The following MAOB variants were observed in gnomAD, a reference collection of about 807,000 sequenced individuals.
The protein encoded by MAOB is monoamine oxidase B, also known as amine oxidase [flavin-containing] B.
Under a neutral mutation model 41.9 loss-of-function variants are expected in MAOB, and 15 were observed. The observed-to-expected ratio is 0.36, with a 90% CI of 0.24 to 0.55. The LOEUF is 0.55. MAOB is among the 20% of genes least tolerant of loss of function. MAOB has a pLI of 0.86. For missense variants in MAOB, 345 were observed against 398.7 expected, an observed-to-expected ratio of 0.87 and a Z score of 1.15; for synonymous variants, 167 against 144.2, an observed-to-expected ratio of 1.16 and a Z score of -1.13.
Position 43,797,482 on chromosome X carries a change from A to G in MAOB, c.477-216T>C, listed in dbSNP as rs1017871066. Among the ~76,000 whole-genome samples, 6 of 112,299 alleles carry G rather than the reference A, an allele frequency of 5.3e-5. 1 individual carries two copies. The South Asian group carries it at 2.2e-3, about 42-fold the overall frequency. ...CTGTAAACAAAACACCTTACTCAGA[A>G]TCAGCTTCTATTCCAGATTCTGTGC... On this transcript the variant is annotated intron_variant, in intron 5 of 14. Coordinates refer to ENST00000378069, the MANE Select transcript of MAOB (RefSeq NM_000898.5).
At chrX:43,823,330 A>C (rs769959523) in intron 3 of MAOB, among the ~76,000 whole-genome samples, 1 of 107,314 alleles carries the variant, frequency 9.3e-6, no homozygotes, top group Non-Finnish European at 1.9e-5. Flanking sequence ...GTGCCACCAC[A>C]CCCGGCTAAT....
chrX:43,769,030 G>T (rs1263228202), intron 13 of MAOB, among the ~76,000 whole-genome samples: 1 of 111,918 alleles, frequency 8.9e-6, no homozygotes, highest in Middle Eastern at 4.2e-3. Context: ...AAGCATGTTT[G>T]GTTCTAGAAT....
intron 12 of MAOB, among the ~76,000 whole-genome samples, chrX:43,773,418 C>T (rs2034211733): frequency 8.9e-6 from 1 of 112,708 alleles, no homozygotes; most frequent in South Asian, 3.7e-4. Context: ...CATCCCCACC[C>T]TAGCCCTCAA....
chrX:43,815,534 C>T (rs924352912), intron 3 of MAOB, among the ~76,000 whole-genome samples: 3 of 111,846 alleles, frequency 2.7e-5, no homozygotes, highest in Non-Finnish European at 3.8e-5. Context: ...AACTGGAAGC[C>T]GTAGTTTTTG....
chrX:43,793,338 G>T, intron 8 of MAOB, 81 bp downstream of exon 8: 1 of 766,247 alleles, frequency 1.3e-6, no homozygotes, highest in South Asian at 2.9e-5. Flanking sequence ...AATAAAAGTT[G>T]ACATTTTTAA....
At position 43,767,344 on chromosome X, in the gene MAOB, T is replaced by C. The variant is rs878993126; in HGVS notation, c.*122A>G. On this transcript the variant is annotated 3_prime_UTR_variant, in exon 15 of 15. Coordinates refer to ENST00000378069, the MANE Select transcript of MAOB (RefSeq NM_000898.5). ...TATTTTACAGTCAGAGTTGGATTTA[T>C]CTTCATGCTCCCCGCCTCACTCCAC... 1.6e-5 allele frequency: 11 copies of C among 689,694 alleles called. No individual in the cohort carries two copies. In the South Asian group the frequency reaches 2.5e-4, roughly 15 times the overall value. The allele number at this position is 689,694 out of a possible 1,213,427, so 56.8% of individuals were successfully genotyped here.
At chrX:43,813,564 C>G (rs1047960910) in intron 3 of MAOB, among the ~76,000 whole-genome samples, 8 of 112,250 alleles carry the variant, frequency 7.1e-5, no homozygotes, top group African/African-American at 2.3e-4. Flanking sequence ...GGCATTTAAT[C>G]AAGTAACCAC....
chrX:43,842,697 A>G (rs1282038137), intron 2 of MAOB, among the ~76,000 whole-genome samples: 1 of 112,292 alleles, frequency 8.9e-6, no homozygotes, highest in African/African-American at 3.2e-5. Context: ...GGATAAATGG[A>G]TGAGGAAGAC....
intron 1 of MAOB, among the ~76,000 whole-genome samples, chrX:43,873,901 TC>T (rs1391066905): frequency 9.0e-6 from 1 of 111,437 alleles, no homozygotes; most frequent in Admixed American, 9.5e-5. Context: ...GGGCTCGGTC[TC>T]CTGACCTCGC....
At chrX:43,771,635 T>C (rs1041826887) in intron 12 of MAOB, among the ~76,000 whole-genome samples, 2 of 111,006 alleles carry the variant, frequency 1.8e-5, no homozygotes, top group African/African-American at 6.6e-5. Flanking sequence ...CATGTTTACT[T>C]TTTTTTCAAT....
At chrX:43,780,280 G>A (rs1407777800) in intron 10 of MAOB, 62 bp downstream of exon 10, 10 of 911,505 alleles carry the variant, frequency 1.1e-5, no homozygotes, top group Middle Eastern at 2.7e-4. Flanking sequence ...GAAAAGGGAG[G>A]GAGGGATGGA....
At chrX:43,855,482 G>C (rs763797417) in intron 1 of MAOB, among the ~76,000 whole-genome samples, 28 of 110,755 alleles carry the variant, frequency 2.5e-4, no homozygotes, top group Non-Finnish European at 5.3e-4. Context: ...ATTATCCAGA[G>C]CTAAAGGTAT....
intron 3 of MAOB, among the ~76,000 whole-genome samples, chrX:43,830,686 A>G (rs2035008905): frequency 8.9e-6 from 1 of 111,894 alleles, no homozygotes; most frequent in African/African-American, 3.2e-5. Flanking sequence ...GTAAAGCTTC[A>G]TCTTACCTGG....
intron 3 of MAOB, among the ~76,000 whole-genome samples, chrX:43,808,489 A>C (rs901129100): frequency 1.8e-5 from 2 of 110,602 alleles, no homozygotes; most frequent in Non-Finnish European, 3.8e-5. Flanking sequence ...AAACATAAAG[A>C]CAATTGATTC....
At chrX:43,786,435 C>T (rs2034400234) in intron 8 of MAOB, among the ~76,000 whole-genome samples, 1 of 111,687 alleles carries the variant, frequency 9.0e-6, no homozygotes. Context: ...GTCTCCTGCA[C>T]CCCTCCCCAC....
intron 5 of MAOB, among the ~76,000 whole-genome samples, chrX:43,798,482 C>T (rs2034553923): frequency 8.9e-6 from 1 of 112,085 alleles, no homozygotes; most frequent in South Asian, 3.7e-4. Flanking sequence ...AGGGGACAAA[C>T]AATTAATAGA....
chrX:43,854,960 G>A (rs374876793), intron 1 of MAOB, among the ~76,000 whole-genome samples: 21 of 110,563 alleles, frequency 1.9e-4, no homozygotes, highest in African/African-American at 6.6e-4. Context: ...TCAACTCACC[G>A]AGACATTTTC....
intron 3 of MAOB, among the ~76,000 whole-genome samples, chrX:43,822,435 G>A (rs779908180): frequency 1.1e-4 from 12 of 111,979 alleles, no homozygotes; most frequent in African/African-American, 3.2e-4. Context: ...GGAATAAGAA[G>A]GATGCTGGGA....
chrX:43,866,689 A>C (rs1176297206), intron 1 of MAOB, among the ~76,000 whole-genome samples: 1 of 112,778 alleles, frequency 8.9e-6, no homozygotes, highest in Non-Finnish European at 1.9e-5. Context: ...TAAACTGTAC[A>C]CCTAAAACAG....
Sources: allele counts gnomAD v4.1 joint callset (sites outside exome capture counted in the v4.1 genomes callset), GRCh38; gene constraint gnomAD v4.1.1; transcripts MANE v1.5; gene names NCBI Gene and HGNC (gene_info 2026-07-23, HGNC 2026-07-21).